PLPP1: variants seen among roughly 807,000 people sequenced by gnomAD.
PLPP1 encodes lipid phosphate phosphohydrolase 1a.
PLPP1 carries 24 observed loss-of-function variants against 31.2 expected under a neutral mutation model. That is an observed-to-expected ratio of 0.77 (90% CI 0.56 to 1.08). The LOEUF is 1.08. Among genes scored for constraint, PLPP1 ranks in the 50% least tolerant of loss-of-function variants. The probability of loss-of-function intolerance (pLI) is 0.00; values close to 1 mark genes in which losing one functional copy is unlikely to be tolerated. For missense variants in PLPP1, 319 were observed against 342.7 expected (o/e 0.93, Z 0.55); for synonymous variants, 146 against 126.3 (o/e 1.16, Z -1.05).
intron 3 of PLPP1, among the ~76,000 whole-genome samples, chr5:55,456,645 T>C (rs751660275): frequency 7.9e-5 from 12 of 152,152 alleles, no homozygotes; most frequent in Non-Finnish European, 1.3e-4. Flanking sequence ...AAAGTATGTA[T>C]CCAGCCAAAC....
intron 1 of PLPP1, among the ~76,000 whole-genome samples, chr5:55,495,125 C>A (rs1752978650): frequency 1.9e-5 from 2 of 106,054 alleles, no homozygotes. Flanking sequence ...GAGCAAAACT[C>A]TGTCTCCAAA....
chr5:55,502,723 A>G (rs564518388), intron 1 of PLPP1, among the ~76,000 whole-genome samples: 1 of 152,318 alleles, frequency 6.6e-6, no homozygotes, highest in East Asian at 1.9e-4. Flanking sequence ...TAAATTTCCA[A>G]AACATATTAA....
At position 55,534,695 on chromosome 5, in the gene PLPP1, G is replaced by A. The variant is rs1180328652; in HGVS notation, c.-66C>T. On this transcript the variant is annotated 5_prime_UTR_variant, in exon 1 of 6. Transcript: ENST00000307259. ...CTGCGGGACGGCGGCCGAGGCCCTT[G>A]ATTCTCGAGCCCGGGCCGGGGCTGG... The A allele has an allele frequency of 1.4e-5, 21 of 1,473,328 alleles. No individual in the cohort carries two copies. Among genetic ancestry groups the A allele is most frequent in the Non-Finnish European group, 1.9e-5 (21 of 1,100,050 alleles). 91.3% of individuals were successfully genotyped at this position (1,473,328 alleles called of 1,614,324 possible). A position where few individuals can be genotyped will look rare whatever the true frequency, so the allele number is the denominator to read the frequency against.
intron 4 of PLPP1, among the ~76,000 whole-genome samples, chr5:55,426,383 G>C (rs1160525169): frequency 6.6e-6 from 1 of 152,094 alleles, no homozygotes; most frequent in Non-Finnish European, 1.5e-5. Context: ...GTCAAGACCA[G>C]TGCTGCCATT....
At chr5:55,449,233 C>CT (rs1178427754) in intron 3 of PLPP1, among the ~76,000 whole-genome samples, 4 of 152,020 alleles carry the variant, frequency 2.6e-5, no homozygotes, top group African/African-American at 9.7e-5. Flanking sequence ...AGCAAAATGA[C>CT]TGAAAGGAAA....
chr5:55,440,945 G>A (rs1296874951), intron 4 of PLPP1, among the ~76,000 whole-genome samples: 3 of 151,966 alleles, frequency 2.0e-5, no homozygotes, highest in Admixed American at 2.0e-4. Context: ...AGAAAATTAA[G>A]ACAAAAATTA....
intron 3 of PLPP1, among the ~76,000 whole-genome samples, chr5:55,450,897 A>G (rs1401715160): frequency 6.6e-6 from 1 of 152,230 alleles, no homozygotes; most frequent in Non-Finnish European, 1.5e-5. Flanking sequence ...TTCTTTCAGA[A>G]TAATACAGAA....
In PLPP1 at chr5:55,511,006, G is replaced by A. The variant is rs543710480; in HGVS notation, c.58+23566C>T. Among the ~76,000 whole-genome samples, 4 of 152,146 alleles carry A rather than the reference G, an allele frequency of 2.6e-5. No homozygotes were observed. The East Asian group carries it at 5.8e-4, about 22-fold the overall frequency. ...CCCTCACAACCCCTGCTCTCTTTCC[G>A]AGCCCCCATGGACCTTATACATATA... On this transcript the variant is annotated intron_variant, in intron 1 of 5. Coordinates refer to ENST00000307259, the MANE Select transcript of PLPP1 (RefSeq NM_003711.4).
intron 4 of PLPP1, among the ~76,000 whole-genome samples, chr5:55,439,432 A>G (rs1751570371): frequency 2.0e-5 from 3 of 152,188 alleles, no homozygotes; most frequent in Admixed American, 2.0e-4. Context: ...CTGACCACTT[A>G]GAAGCAGTGG....
chr5:55,436,104 C>A (rs113743890), intron 4 of PLPP1, among the ~76,000 whole-genome samples: 4 of 151,944 alleles, frequency 2.6e-5, no homozygotes, highest in African/African-American at 9.7e-5. Context: ...AATAAGGACA[C>A]CAAGCATCAC....
chr5:55,462,185 T>TA (rs1014850890), intron 3 of PLPP1, among the ~76,000 whole-genome samples: 46 of 152,268 alleles, frequency 3.0e-4, no homozygotes, highest in African/African-American at 1.1e-3. Context: ...ATAAAGAACT[T>TA]ACAATAGACA....
At chr5:55,472,491 G>A (rs1752435643) in intron 2 of PLPP1, among the ~76,000 whole-genome samples, 1 of 151,896 alleles carries the variant, frequency 6.6e-6, no homozygotes, top group African/African-American at 2.4e-5. Context: ...TCCCAGCTAT[G>A]TGGGAGGCTG....
chr5:55,482,209 C>T (rs1472677578), intron 1 of PLPP1, among the ~76,000 whole-genome samples: 3 of 150,266 alleles, frequency 2.0e-5, no homozygotes, highest in African/African-American at 7.3e-5. Context: ...CACAGACACA[C>T]ACACACACAC....
chr5:55,521,111 G>C (rs1280978227), intron 1 of PLPP1, among the ~76,000 whole-genome samples: 1 of 152,200 alleles, frequency 6.6e-6, no homozygotes, highest in East Asian at 1.9e-4. Context: ...TCAGCATTCT[G>C]GGAGGCTGAG....
At chr5:55,531,331 T>C (rs1394428121) in intron 1 of PLPP1, among the ~76,000 whole-genome samples, 1 of 152,216 alleles carries the variant, frequency 6.6e-6, no homozygotes, top group African/African-American at 2.4e-5. Flanking sequence ...ATGATAAAGA[T>C]GACATACGGA....
At chr5:55,512,342 G>A (rs1007857654) in intron 1 of PLPP1, among the ~76,000 whole-genome samples, 3 of 151,354 alleles carry the variant, frequency 2.0e-5, no homozygotes, top group African/African-American at 7.3e-5. Context: ...GTGGTGGCAG[G>A]TGCCTGTAAT....
At chr5:55,462,927 C>T (rs978683610) in intron 3 of PLPP1, among the ~76,000 whole-genome samples, 3 of 151,546 alleles carry the variant, frequency 2.0e-5, no homozygotes, top group South Asian at 4.2e-4. Context: ...GAGCCAAGAT[C>T]GTGCCACTGC....
At chr5:55,453,552 C>T (rs558415452) in intron 3 of PLPP1, among the ~76,000 whole-genome samples, 1 of 152,190 alleles carries the variant, frequency 6.6e-6, no homozygotes, top group African/African-American at 2.4e-5. Context: ...CCTCAAATTT[C>T]TTTTTCCATT....
chr5:55,443,212 TACACACACACAC>T (rs960914383), intron 3 of PLPP1, among the ~76,000 whole-genome samples: 8 of 104,990 alleles, frequency 7.6e-5, no homozygotes, highest in African/African-American at 1.2e-4. Context: ...TATATATATA[TACACACACACAC>T]ACACACACAC....
Sources: gnomAD v4.1 joint callset for allele counts (sites outside exome capture counted in the v4.1 genomes callset) on GRCh38, gnomAD v4.1.1 for gene constraint, MANE v1.5 for transcripts, NCBI Gene and HGNC (gene_info 2026-07-23, HGNC 2026-07-21) for gene names.